The following GLRA2 variants were observed in gnomAD, a reference collection of about 807,000 sequenced individuals.
GLRA2 encodes glycine receptor alpha 2, also known as glycine receptor subunit alpha-2.
A neutral mutation model predicts 31.6 loss-of-function variants in GLRA2; 11 were observed. The observed-to-expected ratio is 0.35, with a 90% CI of 0.22 to 0.58. The LOEUF (loss-of-function observed/expected upper bound fraction) is 0.58, where lower values mean the gene tolerates loss of function less well. Ranked by LOEUF, GLRA2 falls within the 20% of genes least tolerant of loss-of-function variation. The pLI is 0.84. For missense variants in GLRA2, 212 were observed against 351.8 expected (o/e 0.60, Z 3.18); for synonymous variants, 132 against 134.0 (o/e 0.99, Z 0.10).
At chrX:14,664,701 C>T (rs759510314) in intron 7 of GLRA2, among the ~76,000 whole-genome samples, 22 of 112,259 alleles carry the variant, frequency 2.0e-4, no homozygotes, top group African/African-American at 6.1e-4. Flanking sequence ...TCCTTGAAAA[C>T]AGGACCTGAC....
the GLRA2 span, among the ~76,000 whole-genome samples, chrX:14,505,092 A>G: frequency 8.9e-6 from 1 of 112,145 alleles, no homozygotes; most frequent in Admixed American, 9.4e-5. Flanking sequence ...GACTGGGTAG[A>G]GTGTGTTGTC....
chrX:14,600,818 T>C (rs1218302967), intron 4 of GLRA2, among the ~76,000 whole-genome samples: 1 of 111,630 alleles, frequency 9.0e-6, no homozygotes, highest in Non-Finnish European at 1.9e-5. Flanking sequence ...AGGCTTTGTT[T>C]CCTTTTGCAG....
At chrX:14,515,615 C>T in the GLRA2 span, among the ~76,000 whole-genome samples, 6 of 111,856 alleles carry the variant, frequency 5.4e-5, no homozygotes, top group East Asian at 8.4e-4. Context: ...CAAGTCAATA[C>T]TTATAAGTTA....
the GLRA2 span, among the ~76,000 whole-genome samples, chrX:14,490,049 G>A: frequency 2.0e-4 from 22 of 110,820 alleles, no homozygotes; most frequent in Non-Finnish European, 4.0e-4. Flanking sequence ...GCATTGTCTT[G>A]TCCTGATCTT....
chrX:14,585,060 T>C (rs1425435282), intron 4 of GLRA2, among the ~76,000 whole-genome samples: 1 of 111,448 alleles, frequency 9.0e-6, no homozygotes, highest in East Asian at 2.8e-4. Context: ...CCCTGACAAC[T>C]GTTTTGGATT....
At chrX:14,638,385 T>C (rs1014826153) in intron 7 of GLRA2, among the ~76,000 whole-genome samples, 3 of 111,865 alleles carry the variant, frequency 2.7e-5, no homozygotes, top group African/African-American at 9.7e-5. Context: ...TCTTCTTTAT[T>C]ATTTATATGA....
At chrX:14,722,655 T>C (rs2091880230) in intron 8 of GLRA2, among the ~76,000 whole-genome samples, 1 of 111,691 alleles carries the variant, frequency 9.0e-6, no homozygotes, top group Non-Finnish European at 1.9e-5. Flanking sequence ...GTCTGTGACT[T>C]CTATATGACA....
chrX:14,666,277 T>C (rs2147152925), intron 7 of GLRA2, among the ~76,000 whole-genome samples: 1 of 112,356 alleles, frequency 8.9e-6, no homozygotes, highest in African/African-American at 3.2e-5. Context: ...TGAGAGACTA[T>C]ACAGTTGATA....
At chrX:14,568,199 A>G (rs759837284) in intron 2 of GLRA2, among the ~76,000 whole-genome samples, 5 of 112,177 alleles carry the variant, frequency 4.5e-5, no homozygotes. Context: ...AACAAAGCGG[A>G]AGGACTCACA....
chrX:14,514,882 A>C, the GLRA2 span, among the ~76,000 whole-genome samples: 1 of 110,541 alleles, frequency 9.0e-6, no homozygotes. Context: ...TTTCCTAATA[A>C]AATCTCATTT....
chrX:14,449,278 G>A, the GLRA2 span, among the ~76,000 whole-genome samples: 1 of 112,219 alleles, frequency 8.9e-6, no homozygotes, highest in East Asian at 2.8e-4. Flanking sequence ...CTAAGGAAGA[G>A]GTAAGTGAAG....
chrX:14,509,474 G>A, the GLRA2 span, among the ~76,000 whole-genome samples: 3 of 112,687 alleles, frequency 2.7e-5, no homozygotes, highest in Non-Finnish European at 5.6e-5. Context: ...GCCCTGAGGC[G>A]TGGAAGACTC....
At chrX:14,718,037 T>A (rs1184051801) in intron 8 of GLRA2, among the ~76,000 whole-genome samples, 1 of 110,825 alleles carries the variant, frequency 9.0e-6, no homozygotes, top group African/African-American at 3.3e-5. Flanking sequence ...AGTCAAGATG[T>A]TTATTTTTCA....
chrX:14,497,806 A>C, the GLRA2 span, among the ~76,000 whole-genome samples: 1 of 105,153 alleles, frequency 9.5e-6, no homozygotes, highest in African/African-American at 3.5e-5. Flanking sequence ...TCTATCTCAC[A>C]GCTAGGCAGA....
the GLRA2 span, among the ~76,000 whole-genome samples, chrX:14,493,612 CACATATAT>C: frequency 2.1e-5 from 2 of 93,086 alleles, no homozygotes; most frequent in Middle Eastern, 5.7e-3. Flanking sequence ...TACACATATA[CACATATAT>C]ACACATATAT....
At position 14,645,421 on chromosome X, in the gene GLRA2, C is replaced by T. The variant is rs907988862; in HGVS notation, c.930+36216C>T. On this transcript the variant is annotated intron_variant, in intron 7 of 8. Transcript: ENST00000218075. ...TTTATTGGGTTCTACTTCCCAGTAT[C>T]TTCCTCTGGGATGGATCATCTATTT... is the stretch of plus-strand genomic sequence containing the variant. 2.7e-5 allele frequency among the ~76,000 whole-genome samples: 3 copies of T among 111,673 alleles called. No individual in the cohort carries two copies. In the Admixed American group the frequency reaches 2.8e-4, roughly 11 times the overall value.
At chrX:14,557,102 CTTTTTTTTTTTTTTTTTTT>C (rs58282642) in intron 2 of GLRA2, among the ~76,000 whole-genome samples, 1 of 46,357 alleles carries the variant, frequency 2.2e-5, no homozygotes, top group Non-Finnish European at 3.5e-5. Context: ...TAAAGTATTT[CTTTTTTTTTTTTTTTTTTT>C]TTTTTTTTTT....
intron 7 of GLRA2, among the ~76,000 whole-genome samples, chrX:14,682,564 ATTATAC>A (rs1412060038): frequency 3.6e-5 from 4 of 110,097 alleles, no homozygotes; most frequent in East Asian, 2.8e-4. Context: ...TTTTTTTTTA[ATTATAC>A]TTTAAGTTCT....
chrX:14,530,451 T>C (rs756373199), intron 1 of GLRA2, among the ~76,000 whole-genome samples: 1 of 111,581 alleles, frequency 9.0e-6, no homozygotes, highest in Non-Finnish European at 1.9e-5. Flanking sequence ...TTAAAGAGAT[T>C]ATTGGGTGCA....
Sources: gnomAD v4.1 joint callset for allele counts (sites outside exome capture counted in the v4.1 genomes callset) on GRCh38, gnomAD v4.1.1 for gene constraint, MANE v1.5 for transcripts, NCBI Gene and HGNC (gene_info 2026-07-23, HGNC 2026-07-21) for gene names.